IRAG2: variants seen among roughly 807,000 people sequenced by gnomAD.
IRAG2 encodes the protein inositol 1,4,5-triphosphate receptor associated 2, also known as lymphoid restricted membrane protein.
A neutral mutation model predicts 69.9 loss-of-function variants in IRAG2; 45 were observed. The observed-to-expected ratio is 0.64, with a 90% CI of 0.51 to 0.83. IRAG2 has a LOEUF of 0.83. Ranked by LOEUF, IRAG2 falls within the 40% of genes least tolerant of loss-of-function variation. IRAG2 has a pLI of 0.00. For missense variants in IRAG2, 520 were observed against 587.0 expected (o/e 0.89, Z 1.18); for synonymous variants, 193 against 202.4 (o/e 0.95, Z 0.40).
intron 6 of IRAG2, among the ~76,000 whole-genome samples, chr12:25,077,666 T>C (rs1265321638): frequency 6.6e-6 from 1 of 152,026 alleles, no homozygotes; most frequent in African/African-American, 2.4e-5. Flanking sequence ...ATAAGAACTG[T>C]GTGTTTATAT....
intron 1 of IRAG2, among the ~76,000 whole-genome samples, chr12:25,053,243 A>G (rs538711258): frequency 6.6e-6 from 1 of 151,420 alleles, no homozygotes; most frequent in African/African-American, 2.4e-5. Flanking sequence ...AAAATTTCTA[A>G]AAGTAAACAA....
intron 3 of IRAG2, among the ~76,000 whole-genome samples, chr12:25,011,818 C>G (rs1944476420): frequency 6.6e-6 from 1 of 152,150 alleles, no homozygotes; most frequent in South Asian, 2.1e-4. Flanking sequence ...TTGGGAACCA[C>G]TGCTGTCATT....
intron 4 of IRAG2, among the ~76,000 whole-genome samples, chr12:25,065,822 A>G (rs997292153): frequency 3.3e-5 from 5 of 152,176 alleles, no homozygotes; most frequent in African/African-American, 1.2e-4. Context: ...GGCACATGCC[A>G]TCACACCCAG....
chr12:25,001,760 T>C (rs563584207), upstream of IRAG2, among the ~76,000 whole-genome samples: 1 of 150,486 alleles, frequency 6.6e-6, no homozygotes, highest in African/African-American at 2.4e-5. Context: ...GATACTTAAC[T>C]ACTCTTTTGG....
upstream of IRAG2, among the ~76,000 whole-genome samples, chr12:25,050,336 C>G (rs1192175895): frequency 1.3e-5 from 2 of 151,628 alleles, no homozygotes; most frequent in East Asian, 3.9e-4. Flanking sequence ...CGAGACCATC[C>G]TGGCCAACAT....
Position 25,071,865 on chromosome 12 carries a change from G to A in IRAG2, c.24+2434G>A, listed in dbSNP as rs193189307. ...AGGACCTCCATATTGACTCTTATTA[G>A]GATATGTGACTGCGTGGTTTTGTCT... On this transcript the variant is annotated intron_variant, in intron 6 of 21. Transcript: ENST00000556887. Among the ~76,000 whole-genome samples, 7 of 151,192 alleles carry A rather than the reference G, an allele frequency of 4.6e-5. No individual in the cohort carries two copies. The East Asian group carries it at 1.4e-3, about 29-fold the overall frequency.
intron 19 of IRAG2, 67 bp downstream of exon 19, chr12:25,104,125 G>A: frequency 3.0e-6 from 4 of 1,320,764 alleles, no homozygotes; most frequent in East Asian, 2.3e-5. Flanking sequence ...ACCTAAATGA[G>A]TGCTCAAATT....
chr12:25,096,848 T>C, intron 14 of IRAG2, 62 bp from the exon 15 acceptor site: 7 of 1,374,774 alleles, frequency 5.1e-6, no homozygotes, highest in Non-Finnish European at 7.0e-6. Context: ...ACTTAGTCAG[T>C]GTTAGAATCA....
chr12:25,095,746 G>A (rs914136955), intron 14 of IRAG2, among the ~76,000 whole-genome samples: 1 of 152,156 alleles, frequency 6.6e-6, no homozygotes, highest in African/African-American at 2.4e-5. Flanking sequence ...ATTCCCCAGT[G>A]AAGCCATTCA....
At chr12:25,087,615 G>A (rs1947718974) in intron 10 of IRAG2, among the ~76,000 whole-genome samples, 1 of 151,684 alleles carries the variant, frequency 6.6e-6, no homozygotes, top group Admixed American at 6.6e-5. Context: ...CGCCCTTGCA[G>A]CCAATTTTAT....
upstream of IRAG2, among the ~76,000 whole-genome samples, chr12:25,050,189 T>TC (rs1944831701): frequency 2.7e-5 from 4 of 149,988 alleles, no homozygotes; most frequent in African/African-American, 9.8e-5. Context: ...GATATTGGAG[T>TC]CCTAGTGCAC....
chr12:25,031,710 G>T (rs699048), intron 10 of IRAG2, among the ~76,000 whole-genome samples: 106,370 of 151,942 alleles, frequency 0.7, 37,598 homozygotes, highest in East Asian at 0.73. Context: ...TTGCCCAGGC[G>T]GGAGTGCAAT....
chr12:25,091,019 C>T (rs1194715834), intron 14 of IRAG2: 1 of 205,822 alleles, frequency 4.9e-6, no homozygotes, highest in African/African-American at 2.4e-5. Context: ...TACTATTATC[C>T]TTCCATATGG....
intron 15 of IRAG2, among the ~76,000 whole-genome samples, chr12:25,098,997 G>T (rs1455618557): frequency 1.3e-5 from 2 of 151,960 alleles, no homozygotes; most frequent in African/African-American, 4.8e-5. Context: ...CTACATCACG[G>T]GCTGCTCCTT....
At chr12:24,997,820 A>C in the IRAG2 span, among the ~76,000 whole-genome samples, 2 of 152,184 alleles carry the variant, frequency 1.3e-5, no homozygotes, top group East Asian at 1.9e-4. Flanking sequence ...TTCATTGAAA[A>C]CTTGAAACAA....
chr12:25,097,962 C>T (rs953827767), intron 15 of IRAG2, among the ~76,000 whole-genome samples: 2 of 152,154 alleles, frequency 1.3e-5, no homozygotes, highest in Non-Finnish European at 2.9e-5. Flanking sequence ...GTTGCTCTTC[C>T]ACTACGAAGA....
At chr12:25,076,518 A>G in intron 6 of IRAG2, 1 of 984,814 alleles carries the variant, frequency 1.0e-6, no homozygotes, top group East Asian at 1.1e-4. Context: ...CCTTTTTTTG[A>G]AAAGGTTTGC....
At chr12:25,077,266 A>AATATATATATGAAATATATATGATAT (rs57883311) in intron 6 of IRAG2, among the ~76,000 whole-genome samples, 1 of 32,866 alleles carries the variant, frequency 3.0e-5, no homozygotes, top group Non-Finnish European at 6.2e-5. Flanking sequence ...ATATATATGA[A>AATATATATATGAAATATATATGATAT]ATATATATGA....
intron 9 of IRAG2, chr12:25,027,013 G>T: frequency 2.5e-6 from 1 of 406,588 alleles, no homozygotes; most frequent in Non-Finnish European, 4.1e-6. Flanking sequence ...TTATATAAAA[G>T]CTAGTTTCCT....
Sources: allele counts gnomAD v4.1 joint callset (sites outside exome capture counted in the v4.1 genomes callset), GRCh38; gene constraint gnomAD v4.1.1; transcripts MANE v1.5; gene names NCBI Gene and HGNC (gene_info 2026-07-23, HGNC 2026-07-21).